The following ANTXR1 variants were observed in gnomAD, a reference collection of about 807,000 sequenced individuals.
ANTXR1 encodes the protein ANTXR cell adhesion molecule 1, also known as anthrax toxin receptor 1.
A neutral mutation model predicts 78.1 loss-of-function variants in ANTXR1; 19 were observed. The ratio of observed to expected loss-of-function variants is 0.24; its 90% CI spans 0.17 to 0.36. The LOEUF (loss-of-function observed/expected upper bound fraction) is 0.36. ANTXR1 is among the 10% of genes least tolerant of loss of function. The pLI is 1.00. For synonymous variants in ANTXR1, 273 were observed against 260.5 expected (o/e 1.05, Z -0.46); for missense variants, 518 against 718.6 (o/e 0.72, Z 3.19).
intron 17 of ANTXR1, among the ~76,000 whole-genome samples, chr2:69,223,687 G>A (rs1438667726): frequency 1.3e-5 from 2 of 152,218 alleles, no homozygotes; most frequent in Non-Finnish European, 2.9e-5. Flanking sequence ...GAGGAGGTTT[G>A]CTTAAAGTGA....
At chr2:69,043,282 T>C (rs182659415) in intron 2 of ANTXR1, among the ~76,000 whole-genome samples, 208 of 152,332 alleles carry the variant, frequency 1.4e-3, no homozygotes, top group Non-Finnish European at 1.2e-3. Context: ...AAATAGGAAC[T>C]GTTAGTTTGA....
rs1169684092 is a variant in ANTXR1, at chr2:69,152,210, C to A, written c.993C>A (p.Phe331Leu). 6.2e-7 allele frequency: 1 copy of A among 1,614,198 alleles called. No individual in the cohort carries two copies. The highest frequency in any genetic ancestry group is 1.7e-5 in the Admixed American group (1 of 60,020). ...SILAIALLILFLLLALALLWW... is the reference protein window; with the variant it reads ...SILAIALLILLLLLALALLWW... ...TGGCCATCGCCCTGCTGATCCTGTT[C>A]CTGCTCCTAGCCCTGGCTCTCCTCT... Residue 331 changes from phenylalanine (F) to leucine (L), a missense_variant, in exon 13 of 18, where the codon TTC (phenylalanine) becomes TTA (leucine). Coordinates refer to ENST00000303714, the MANE Select transcript of ANTXR1 (RefSeq NM_032208.3).
chr2:69,110,039 A>G (rs1167813421), intron 10 of ANTXR1, among the ~76,000 whole-genome samples: 1 of 152,216 alleles, frequency 6.6e-6, no homozygotes, highest in Non-Finnish European at 1.5e-5. Flanking sequence ...AATGATTAAT[A>G]AGCATATAGA....
chr2:69,118,787 T>C (rs1396219376), intron 10 of ANTXR1, among the ~76,000 whole-genome samples: 2 of 151,980 alleles, frequency 1.3e-5, no homozygotes, highest in African/African-American at 4.8e-5. Context: ...CCAAATGGAG[T>C]TCCAGGAAGG....
intron 9 of ANTXR1, among the ~76,000 whole-genome samples, chr2:69,093,584 T>C (rs573822866): frequency 1.3e-5 from 2 of 152,116 alleles, no homozygotes; most frequent in Non-Finnish European, 2.9e-5. Flanking sequence ...GAAAAATAAA[T>C]GAATTAAGAA....
chr2:69,197,882 A>G (rs545502519), intron 17 of ANTXR1, among the ~76,000 whole-genome samples: 1 of 152,252 alleles, frequency 6.6e-6, no homozygotes, highest in African/African-American at 2.4e-5. Context: ...TACTTGGTCC[A>G]TGATGATATG....
At chr2:69,204,830 T>C (rs1674858195) in intron 17 of ANTXR1, among the ~76,000 whole-genome samples, 1 of 152,172 alleles carries the variant, frequency 6.6e-6, no homozygotes, top group African/African-American at 2.4e-5. Flanking sequence ...GACATACCCA[T>C]TGATATCCTC....
chr2:69,243,107 C>T (rs1558670313), intron 17 of ANTXR1, among the ~76,000 whole-genome samples: 1 of 152,212 alleles, frequency 6.6e-6, no homozygotes, highest in Non-Finnish European at 1.5e-5. Context: ...AACTCCTAAA[C>T]CAATTGCAGT....
chr2:69,113,291 T>C (rs1250651046), intron 10 of ANTXR1, among the ~76,000 whole-genome samples: 1 of 152,172 alleles, frequency 6.6e-6, no homozygotes, highest in Non-Finnish European at 1.5e-5. Flanking sequence ...GATGCTGCCC[T>C]TCCCCATGCA....
intron 17 of ANTXR1, among the ~76,000 whole-genome samples, chr2:69,224,831 G>A (rs534103746): frequency 5.3e-5 from 8 of 152,200 alleles, no homozygotes; most frequent in South Asian, 2.1e-4. Flanking sequence ...TAATATTTGC[G>A]CTTAGTCCAT....
At chr2:69,170,436 G>A (rs1673951500) in intron 14 of ANTXR1, 147 bp downstream of exon 14, 2 of 910,908 alleles carry the variant, frequency 2.2e-6, no homozygotes, top group South Asian at 3.1e-5. Flanking sequence ...GAAGCAGAAG[G>A]GAGGAAACTG....
chr2:69,101,049 T>C (rs1671597564), intron 9 of ANTXR1, among the ~76,000 whole-genome samples: 2 of 152,326 alleles, frequency 1.3e-5, no homozygotes, highest in African/African-American at 4.8e-5. Flanking sequence ...GAGCAAGTCA[T>C]TCAAAATGTC....
chr2:69,141,786 G>T (rs565888587), intron 12 of ANTXR1, among the ~76,000 whole-genome samples: 2 of 152,244 alleles, frequency 1.3e-5, no homozygotes, highest in Non-Finnish European at 1.5e-5. Context: ...CAATGGGCTG[G>T]TGTATGACAG....
chr2:69,219,534 A>G (rs1205143870), intron 17 of ANTXR1, among the ~76,000 whole-genome samples: 1 of 152,138 alleles, frequency 6.6e-6, no homozygotes, highest in Non-Finnish European at 1.5e-5. Flanking sequence ...CACAATAAGC[A>G]ATATTGAGTA....
intron 2 of ANTXR1, 127 bp downstream of exon 2, chr2:69,040,242 C>T: frequency 1.3e-6 from 1 of 785,850 alleles, no homozygotes; most frequent in Non-Finnish European, 2.2e-6. Context: ...GCTCTCAGAT[C>T]TCGGACCAGA....
intron 3 of ANTXR1, among the ~76,000 whole-genome samples, chr2:69,052,323 A>G (rs1040702759): frequency 6.6e-6 from 1 of 152,074 alleles, no homozygotes; most frequent in Non-Finnish European, 1.5e-5. Context: ...ATATGTGACT[A>G]TTAAGACTTA....
chr2:69,217,710 G>C (rs1675212423), intron 17 of ANTXR1, among the ~76,000 whole-genome samples: 1 of 152,206 alleles, frequency 6.6e-6, no homozygotes, highest in African/African-American at 2.4e-5. Context: ...CAAGTCAGGG[G>C]TGGGAATGGG....
At chr2:69,161,030 T>C (rs1673670459) in intron 13 of ANTXR1, among the ~76,000 whole-genome samples, 2 of 152,206 alleles carry the variant, frequency 1.3e-5, no homozygotes, top group African/African-American at 4.8e-5. Flanking sequence ...AACTCACCCT[T>C]GTTCCTTCTG....
intron 9 of ANTXR1, among the ~76,000 whole-genome samples, chr2:69,099,874 G>A (rs890147090): frequency 2.0e-5 from 3 of 152,170 alleles, no homozygotes; most frequent in Admixed American, 2.0e-4. Context: ...CCTGGGTTAA[G>A]GCACAACCCA....
Sources: allele counts gnomAD v4.1 joint callset (sites outside exome capture counted in the v4.1 genomes callset), GRCh38; gene constraint gnomAD v4.1.1; transcripts MANE v1.5; gene names NCBI Gene and HGNC (gene_info 2026-07-23, HGNC 2026-07-21).